Variants in BBS9 observed in about 807,000 individuals in gnomAD.
BBS9 encodes the protein Bardet-Biedl syndrome 9, also known as protein PTHB1.
Under a neutral mutation model 117.7 loss-of-function variants are expected in BBS9, and 89 were observed. The observed-to-expected ratio is 0.76, with a 90% confidence interval of 0.64 to 0.90. The LOEUF (loss-of-function observed/expected upper bound fraction) is 0.90, where lower values mean the gene tolerates loss of function less well. Ranked by LOEUF, BBS9 falls within the 40% of genes least tolerant of loss-of-function variation. The pLI, the probability that BBS9 is intolerant of heterozygous loss-of-function variation, is 0.00. For synonymous variants in BBS9, 379 were observed against 370.9 expected, an observed-to-expected ratio of 1.02 and a Z score of -0.25; for missense variants, 982 against 1,042.2, an observed-to-expected ratio of 0.94 and a Z score of 0.80.
intron 16 of BBS9, among the ~76,000 whole-genome samples, chr7:33,359,434 C>T (rs1418630680): frequency 2.6e-5 from 4 of 151,968 alleles, no homozygotes; most frequent in Non-Finnish European, 5.9e-5. Context: ...CCATTTTCCT[C>T]CTGATTTTGG....
At chr7:33,130,322 G>GTAAA (rs1789385389) in intron 1 of BBS9, among the ~76,000 whole-genome samples, 1 of 152,162 alleles carries the variant, frequency 6.6e-6, no homozygotes, top group Non-Finnish European at 1.5e-5. Flanking sequence ...AGGTCTGTGA[G>GTAAA]TAAATGGGCA....
At chr7:33,217,447 T>C (rs914578800) in intron 5 of BBS9, among the ~76,000 whole-genome samples, 3 of 152,194 alleles carry the variant, frequency 2.0e-5, no homozygotes, top group African/African-American at 7.2e-5. Context: ...ACGAAGTGTT[T>C]TGAGCTTAAA....
intron 21 of BBS9, among the ~76,000 whole-genome samples, chr7:33,551,259 A>C (rs1183222765): frequency 1.3e-5 from 2 of 152,168 alleles, no homozygotes; most frequent in Non-Finnish European, 2.9e-5. Context: ...GTTATGAGCA[A>C]ATGTGGTGAT....
chr7:33,405,665 G>A (rs1364950659), intron 19 of BBS9, among the ~76,000 whole-genome samples: 1 of 152,136 alleles, frequency 6.6e-6, no homozygotes, highest in African/African-American at 2.4e-5. Flanking sequence ...ATGGTAGTTT[G>A]TATTTCTGTG....
intron 7 of BBS9, among the ~76,000 whole-genome samples, chr7:33,265,154 A>C (rs1403038834): frequency 6.6e-6 from 1 of 152,224 alleles, no homozygotes; most frequent in African/African-American, 2.4e-5. Context: ...CAGTGAAATA[A>C]ATCTGAGGAT....
At chr7:33,361,879 TA>T (rs1820686500) in intron 16 of BBS9, among the ~76,000 whole-genome samples, 1 of 152,290 alleles carries the variant, frequency 6.6e-6, no homozygotes, top group South Asian at 2.1e-4. Flanking sequence ...TTTGTGCTTT[TA>T]AAAAAGCTTA....
At chr7:33,381,904 G>A (rs2048316777) in intron 17 of BBS9, among the ~76,000 whole-genome samples, 1 of 152,180 alleles carries the variant, frequency 6.6e-6, no homozygotes, top group Non-Finnish European at 1.5e-5. Context: ...ATTCTGGATG[G>A]AGATGACAAA....
intron 5 of BBS9, among the ~76,000 whole-genome samples, chr7:33,197,499 A>C (rs1785136036): frequency 6.6e-6 from 1 of 152,000 alleles, no homozygotes; most frequent in African/African-American, 2.4e-5. Context: ...CTACATGGAA[A>C]CTTGCTTTGA....
intron 1 of BBS9, among the ~76,000 whole-genome samples, chr7:33,142,904 T>A (rs977531967): frequency 1.3e-5 from 2 of 152,218 alleles, no homozygotes; most frequent in African/African-American, 4.8e-5. Flanking sequence ...AATATCTCTC[T>A]GAGATTGTCT....
intron 21 of BBS9, among the ~76,000 whole-genome samples, chr7:33,599,820 T>G (rs1863516269): frequency 6.6e-6 from 1 of 152,200 alleles, no homozygotes. Context: ...ATTGTAGAAA[T>G]GCATCTAGAG....
At chr7:33,153,863 T>G (rs1793716681) in intron 3 of BBS9, among the ~76,000 whole-genome samples, 1 of 152,190 alleles carries the variant, frequency 6.6e-6, no homozygotes, top group Non-Finnish European at 1.5e-5. Context: ...CAGATGGTGA[T>G]TAGGTTCCCA....
At chr7:33,375,595 C>CTTTT (rs11344728) in intron 17 of BBS9, among the ~76,000 whole-genome samples, 40 of 127,450 alleles carry the variant, frequency 3.1e-4, no homozygotes, top group Non-Finnish European at 3.2e-4. Context: ...TTCTTTCTTT[C>CTTTT]TTTTTTTTTT....
chr7:33,364,686 C>T (rs1409084747), intron 16 of BBS9, among the ~76,000 whole-genome samples: 1 of 103,188 alleles, frequency 9.7e-6, no homozygotes, highest in African/African-American at 3.8e-5. Context: ...TCCTTTCCCC[C>T]CTCCCCCTCC....
At chr7:33,413,345 A>C (rs1159902554) in intron 19 of BBS9, among the ~76,000 whole-genome samples, 1 of 152,184 alleles carries the variant, frequency 6.6e-6, no homozygotes, top group African/African-American at 2.4e-5. Context: ...TCTTTTGACT[A>C]TTCTTTTTAA....
intron 19 of BBS9, among the ~76,000 whole-genome samples, chr7:33,461,142 G>A (rs1246331410): frequency 6.6e-6 from 1 of 151,832 alleles, no homozygotes; most frequent in Non-Finnish European, 1.5e-5. Flanking sequence ...TTTATTGATG[G>A]ATATTTGGGC....
At chr7:33,243,503 G>A (rs1794862175) in intron 5 of BBS9, among the ~76,000 whole-genome samples, 1 of 152,208 alleles carries the variant, frequency 6.6e-6, no homozygotes, top group African/African-American at 2.4e-5. Flanking sequence ...CTTGTCAGCA[G>A]AGGGAGCCTT....
At chr7:33,164,214 G>A (rs1387024219) in intron 4 of BBS9, among the ~76,000 whole-genome samples, 4 of 152,138 alleles carry the variant, frequency 2.6e-5, no homozygotes, top group Non-Finnish European at 5.9e-5. Context: ...TATGATTTCT[G>A]TTCTTTTGCA....
intron 9 of BBS9, among the ~76,000 whole-genome samples, chr7:33,327,709 A>G (rs189750329): frequency 2.6e-5 from 4 of 152,284 alleles, no homozygotes; most frequent in East Asian, 1.9e-4. Context: ...AAGAAACACT[A>G]AAAAACAAAT....
chr7:33,184,513 G>T (rs1399117593), intron 5 of BBS9, among the ~76,000 whole-genome samples: 1 of 152,126 alleles, frequency 6.6e-6, no homozygotes, highest in Admixed American at 6.5e-5. Context: ...TTCCTAAGTT[G>T]GGTCTCGAAC....
Sources: gnomAD v4.1 joint callset for allele counts (sites outside exome capture counted in the v4.1 genomes callset) on GRCh38, gnomAD v4.1.1 for gene constraint, MANE v1.5 for transcripts, NCBI Gene and HGNC (gene_info 2026-07-23, HGNC 2026-07-21) for gene names.